The following UBE2H variants were observed in gnomAD, a reference collection of about 807,000 sequenced individuals.
The protein encoded by UBE2H is ubiquitin conjugating enzyme E2 H.
A neutral mutation model predicts 29.0 loss-of-function variants in UBE2H; 3 were observed. The observed-to-expected ratio is 0.10, with a 90% CI of 0.05 to 0.27. The LOEUF is 0.27. Among genes scored for constraint, UBE2H ranks in the 10% least tolerant of loss-of-function variants. The pLI is 1.00. For synonymous variants in UBE2H, 69 were observed against 82.9 expected (o/e 0.83, Z 0.91); for missense variants, 68 against 228.2 (o/e 0.30, Z 4.52).
At chr7:129,835,176 G>A (rs1805299613) in intron 6 of UBE2H, 115 bp from the exon 7 acceptor site, 4 of 1,409,284 alleles carry the variant, frequency 2.8e-6, no homozygotes, top group African/African-American at 2.8e-5. Flanking sequence ...ACACCAGGGG[G>A]GACAAAGATG....
intron 5 of UBE2H, among the ~76,000 whole-genome samples, chr7:129,846,833 C>T (rs956457733): frequency 6.6e-6 from 1 of 152,142 alleles, no homozygotes; most frequent in Admixed American, 6.5e-5. Context: ...TTACCCCATC[C>T]CCTTTCTCCT....
At chr7:129,949,097 G>T (rs765792448) in intron 1 of UBE2H, 1 of 451,824 alleles carries the variant, frequency 2.2e-6, no homozygotes, top group South Asian at 1.6e-5. Context: ...CCTTCAGCAG[G>T]GGCCACTGGT....
At chr7:129,925,556 T>C (rs1397061122) in intron 1 of UBE2H, among the ~76,000 whole-genome samples, 2 of 152,198 alleles carry the variant, frequency 1.3e-5, no homozygotes, top group Non-Finnish European at 2.9e-5. Flanking sequence ...CATTCTCTCC[T>C]TCTTACTATC....
intron 1 of UBE2H, among the ~76,000 whole-genome samples, chr7:129,888,855 G>C (rs960555633): frequency 1.3e-5 from 2 of 152,172 alleles, no homozygotes; most frequent in Non-Finnish European, 2.9e-5. Context: ...TCATTAAGAA[G>C]TACAGAAAGA....
intron 3 of UBE2H, among the ~76,000 whole-genome samples, chr7:129,878,803 TCTTA>T (rs1282933316): frequency 1.3e-5 from 2 of 151,858 alleles, no homozygotes; most frequent in Non-Finnish European, 2.9e-5. Flanking sequence ...ATTTTATTGT[TCTTA>T]CTTAAAATTG....
intron 4 of UBE2H, 40 bp from the exon 5 acceptor site, chr7:129,857,603 G>A: frequency 6.3e-7 from 1 of 1,597,694 alleles, no homozygotes; most frequent in Non-Finnish European, 8.5e-7. Flanking sequence ...TTAAAAATTA[G>A]AAAGTTAGTT....
intron 4 of UBE2H, 81 bp downstream of exon 4, chr7:129,858,821 C>G: frequency 7.4e-7 from 1 of 1,359,918 alleles, no homozygotes; most frequent in Non-Finnish European, 1.0e-6. Context: ...AAAAAGATAA[C>G]CGAGGCTTTT....
chr7:129,848,694 T>C (rs147507534), intron 5 of UBE2H, among the ~76,000 whole-genome samples: 346 of 152,354 alleles, frequency 2.3e-3, no homozygotes, highest in Middle Eastern at 3.4e-3. Context: ...AGGAACTGTA[T>C]TGAATTCGTC....
intron 1 of UBE2H, among the ~76,000 whole-genome samples, chr7:129,916,377 T>A (rs1023251161): frequency 6.6e-6 from 1 of 151,808 alleles, no homozygotes; most frequent in African/African-American, 2.4e-5. Context: ...TCTAAGCCAT[T>A]TGAAATAGAA....
chr7:129,936,668 C>T (rs1228137676), intron 1 of UBE2H, among the ~76,000 whole-genome samples: 2 of 151,220 alleles, frequency 1.3e-5, no homozygotes, highest in Non-Finnish European at 2.9e-5. Flanking sequence ...TAAGATAATC[C>T]AGTTCAGGCC....
At chr7:129,889,184 T>C (rs1806424713) in intron 1 of UBE2H, among the ~76,000 whole-genome samples, 1 of 152,194 alleles carries the variant, frequency 6.6e-6, no homozygotes, top group African/African-American at 2.4e-5. Context: ...CCATGCACAG[T>C]GCATCTACCT....
intron 5 of UBE2H, among the ~76,000 whole-genome samples, chr7:129,851,088 T>A (rs1259516980): frequency 6.6e-6 from 1 of 152,194 alleles, no homozygotes; most frequent in East Asian, 1.9e-4. Context: ...TAATTTCCCA[T>A]TCATTGCCTA....
chr7:129,895,045 A>C (rs1275103058), intron 1 of UBE2H, among the ~76,000 whole-genome samples: 1 of 152,248 alleles, frequency 6.6e-6, no homozygotes, highest in East Asian at 1.9e-4. Flanking sequence ...AACTTTTAGA[A>C]GGTAGGACCT....
chr7:129,876,622 T>A (rs1806148806), intron 3 of UBE2H, among the ~76,000 whole-genome samples: 1 of 152,222 alleles, frequency 6.6e-6, no homozygotes. Flanking sequence ...TTCTTTGGGC[T>A]TAAATGACTG....
At chr7:129,839,675 C>T (rs1805391426) in intron 5 of UBE2H, 2 of 262,882 alleles carry the variant, frequency 7.6e-6, no homozygotes, top group Non-Finnish European at 1.5e-5. Flanking sequence ...GATGCTGGGT[C>T]TTAAAAGAAT....
In UBE2H at chr7:129,868,332, G is replaced by A. The variant is rs528991208; in HGVS notation, c.206-9391C>T. ...AAGAAAGAAATGGACTGTAATCCCA[G>A]CACTTTGGGAGGCCGAGGCGGGTGG... is the stretch of plus-strand genomic sequence containing the variant. On this transcript the variant is annotated intron_variant, in intron 3 of 6. Coordinates refer to ENST00000355621, the MANE Select transcript of UBE2H (RefSeq NM_003344.4). 2.6e-5 allele frequency among the ~76,000 whole-genome samples: 4 copies of A among 152,268 alleles called. No homozygotes were observed. The East Asian group carries it at 5.8e-4, about 22-fold the overall frequency.
intron 1 of UBE2H, among the ~76,000 whole-genome samples, chr7:129,895,999 G>A (rs182230968): frequency 2.6e-5 from 4 of 152,220 alleles, no homozygotes; most frequent in Admixed American, 1.3e-4. Flanking sequence ...ATGACTTTAT[G>A]GAGTATCTAT....
chr7:129,926,297 G>A (rs1307450581), intron 1 of UBE2H, among the ~76,000 whole-genome samples: 1 of 151,880 alleles, frequency 6.6e-6, no homozygotes, highest in Non-Finnish European at 1.5e-5. Context: ...ATCACCTGAG[G>A]TCAGGAGTTC....
chr7:129,860,071 G>A (rs981469798), intron 3 of UBE2H, among the ~76,000 whole-genome samples: 2 of 152,198 alleles, frequency 1.3e-5, no homozygotes, highest in Non-Finnish European at 2.9e-5. Flanking sequence ...GGAGTAAAAT[G>A]GGAAGAGTCA....
Sources: allele counts gnomAD v4.1 joint callset (sites outside exome capture counted in the v4.1 genomes callset), GRCh38; gene constraint gnomAD v4.1.1; transcripts MANE v1.5; gene names NCBI Gene and HGNC (gene_info 2026-07-23, HGNC 2026-07-21).